Variants in GRIK3 observed in about 807,000 individuals in gnomAD.
The protein encoded by GRIK3 is glutamate receptor ionotropic, kainate 3.
GRIK3 carries 29 observed loss-of-function variants against 102.5 expected under a neutral mutation model. That is an observed-to-expected ratio of 0.28 (90% CI 0.21 to 0.39). The LOEUF (loss-of-function observed/expected upper bound fraction) is 0.39. Among genes scored for constraint, GRIK3 ranks in the 10% least tolerant of loss-of-function variants. The pLI is 1.00. For missense variants in GRIK3, 908 were observed against 1,252.4 expected, an observed-to-expected ratio of 0.73 and a Z score of 4.15; for synonymous variants, 511 against 504.9, an observed-to-expected ratio of 1.01 and a Z score of -0.16.
Position 36,806,198 on chromosome 1 carries a change from G to A in GRIK3, c.2220C>T (p.Ser740=). 6.2e-7 allele frequency: 1 copy of A among 1,614,082 alleles called. No homozygotes were observed. The highest frequency in any genetic ancestry group is 1.1e-5 in the South Asian group (1 of 91,084). ...LTADYALLME[S]TTIEYVTQRN... ...TCTGCGTGACGTACTCGATGGTGGT[G>A]GACTCCATGAGCAGCGCGTAGTCGG... The change falls in exon 14 of 16, where the codon TCC becomes TCT. Residue 740 remains serine (S), a synonymous_variant. Coordinates refer to ENST00000373091, the MANE Select transcript of GRIK3 (RefSeq NM_000831.4). The surrounding 1 kb of genome is among the most constrained non-coding windows in gnomAD (Gnocchi z 4.0).
chr1:36,931,762 G>A (rs1205561754), intron 1 of GRIK3, among the ~76,000 whole-genome samples: 3 of 152,164 alleles, frequency 2.0e-5, no homozygotes, highest in Non-Finnish European at 2.9e-5. Flanking sequence ...GGCGTGTGCA[G>A]CCCCTTCTGT....
chr1:36,906,952 G>A (rs1641290506), intron 1 of GRIK3, among the ~76,000 whole-genome samples: 1 of 152,180 alleles, frequency 6.6e-6, no homozygotes. Context: ...GTAAGATGAT[G>A]AATATCCTAA....
chr1:36,823,693 C>T (rs1642721499), intron 11 of GRIK3, among the ~76,000 whole-genome samples: 1 of 152,098 alleles, frequency 6.6e-6, no homozygotes, highest in Admixed American at 6.5e-5. Flanking sequence ...CTCTCCGCTG[C>T]CTATCACTAT....
chr1:36,933,610 T>C (rs1641621116), intron 1 of GRIK3, among the ~76,000 whole-genome samples: 1 of 152,210 alleles, frequency 6.6e-6, no homozygotes, highest in Non-Finnish European at 1.5e-5. Flanking sequence ...ACTGAGTGAC[T>C]AGGTCATAAT....
chr1:36,885,881 T>C (rs1300636227), intron 2 of GRIK3, among the ~76,000 whole-genome samples: 1 of 152,218 alleles, frequency 6.6e-6, no homozygotes, highest in Non-Finnish European at 1.5e-5. Flanking sequence ...TTCACAGTCA[T>C]TGCAGGAGTC....
At chr1:36,848,831 T>C (rs1375531689) in intron 9 of GRIK3, among the ~76,000 whole-genome samples, 3 of 152,138 alleles carry the variant, frequency 2.0e-5, no homozygotes, top group African/African-American at 7.2e-5. Flanking sequence ...TTTTTGCTTA[T>C]TGGTTTTAGC....
chr1:36,885,914 C>T (rs897150434), intron 2 of GRIK3, among the ~76,000 whole-genome samples: 2 of 152,210 alleles, frequency 1.3e-5, no homozygotes, highest in African/African-American at 4.8e-5. Flanking sequence ...GCTGTCCCCC[C>T]ACTCCCTTTC....
chr1:36,798,115 A>T lies in GRIK3; in HGVS notation c.*3736T>A, dbSNP rs922372704. On this transcript the variant is annotated 3_prime_UTR_variant, in exon 16 of 16. Coordinates refer to ENST00000373091, the MANE Select transcript of GRIK3 (RefSeq NM_000831.4). The stretch of plus-strand genomic sequence containing the variant: ...TCTTGCAGCATGGGGCCACTTGAAC[A>T]TTGACAACGCTTTCAGGATTTTCTT... The T allele has an allele frequency of 1.3e-5, 2 of 152,342 alleles. No homozygotes were observed. Among genetic ancestry groups the T allele is most frequent in the African/African-American group, 2.4e-5 (1 of 41,442 alleles). The allele number at this position is 152,342 out of a possible 1,614,324, so 9.4% of individuals were successfully genotyped here. A position where few individuals can be genotyped will look rare whatever the true frequency, so the allele number is the denominator to read the frequency against.
intron 1 of GRIK3, among the ~76,000 whole-genome samples, chr1:37,031,613 G>A (rs569008596): frequency 3.3e-5 from 5 of 152,306 alleles, no homozygotes; most frequent in South Asian, 2.1e-4. Flanking sequence ...AAGCTCAGCC[G>A]GCTCAGGTGC....
At chr1:37,003,136 G>A (rs1338693367) in intron 1 of GRIK3, among the ~76,000 whole-genome samples, 2 of 150,450 alleles carry the variant, frequency 1.3e-5, no homozygotes, top group African/African-American at 4.9e-5. Flanking sequence ...TGTTTGGCCC[G>A]ATTATAGCAA....
At chr1:36,997,517 G>A (rs1316383570) in intron 1 of GRIK3, among the ~76,000 whole-genome samples, 1 of 152,238 alleles carries the variant, frequency 6.6e-6, no homozygotes, top group Non-Finnish European at 1.5e-5. Context: ...ACTGGGCAGG[G>A]GGGCACGCGA....
At chr1:36,988,133 A>C (rs1642326024) in intron 1 of GRIK3, among the ~76,000 whole-genome samples, 1 of 152,130 alleles carries the variant, frequency 6.6e-6, no homozygotes, top group South Asian at 2.1e-4. Context: ...TCTACCAAAA[A>C]CACAAAAATC....
At chr1:36,956,871 G>T (rs1458312841) in intron 1 of GRIK3, among the ~76,000 whole-genome samples, 4 of 152,204 alleles carry the variant, frequency 2.6e-5, no homozygotes, top group African/African-American at 9.7e-5. Flanking sequence ...AAAAAGCTTT[G>T]TGTCCTCTGT....
At chr1:36,869,886 T>A in intron 4 of GRIK3, 85 bp from the exon 5 acceptor site, 1 of 955,098 alleles carries the variant, frequency 1.0e-6, no homozygotes, top group Admixed American at 1.7e-5. Context: ...AGAATGGGAC[T>A]GGCAGTGGGT....
At chr1:36,807,222 A>G (rs1338875773) in intron 13 of GRIK3, among the ~76,000 whole-genome samples, 1 of 152,038 alleles carries the variant, frequency 6.6e-6, no homozygotes, top group Non-Finnish European at 1.5e-5. Context: ...TGCTGGGGAG[A>G]CGCAGAGAGG....
intron 1 of GRIK3, among the ~76,000 whole-genome samples, chr1:36,916,916 C>A (rs545812929): frequency 2.0e-5 from 3 of 152,324 alleles, no homozygotes; most frequent in Admixed American, 1.3e-4. Context: ...AGAGGGCCAC[C>A]ATTCTCCAGA....
At chr1:36,973,999 C>A (rs923263349) in intron 1 of GRIK3, among the ~76,000 whole-genome samples, 1 of 152,150 alleles carries the variant, frequency 6.6e-6, no homozygotes, top group African/African-American at 2.4e-5. Context: ...GCTTCTCTGT[C>A]CTCCAGTGAG....
chr1:36,994,570 A>G (rs1290198949), intron 1 of GRIK3, among the ~76,000 whole-genome samples: 4 of 152,242 alleles, frequency 2.6e-5, no homozygotes, highest in East Asian at 3.8e-4. Flanking sequence ...GTGATTCTCC[A>G]TAAGTGTCAG....
chr1:36,840,624 G>A lies in GRIK3; in HGVS notation c.1530+1112C>T, dbSNP rs951795914. ...TGCCTGTAGCCCCAGCTACTCAGGA[G>A]ACTAAGGCAGGTGGCTCACTTGAGC... On this transcript the variant is annotated intron_variant, in intron 10 of 15. Transcript: ENST00000373091. Among the ~76,000 whole-genome samples the A allele has an allele frequency of 1.1e-3, 166 of 151,358 alleles. 1 individual carries two copies. The highest frequency in any genetic ancestry group is 1.5e-3 in the Non-Finnish European group (105 of 67,946).
Sources: allele counts gnomAD v4.1 joint callset (sites outside exome capture counted in the v4.1 genomes callset), GRCh38; gene constraint gnomAD v4.1.1; non-coding constraint Gnocchi (gnomAD v3.1); transcripts MANE v1.5; gene names NCBI Gene and HGNC (gene_info 2026-07-23, HGNC 2026-07-21).